NDUFB9: variants seen among roughly 807,000 people sequenced by gnomAD.
NDUFB9 encodes NADH dehydrogenase [ubiquinone] 1 beta subcomplex subunit 9.
A neutral mutation model predicts 30.2 loss-of-function variants in NDUFB9; 24 were observed. The observed-to-expected ratio is 0.80, with a 90% CI of 0.58 to 1.12. The LOEUF (loss-of-function observed/expected upper bound fraction) is 1.12, where lower values mean the gene tolerates loss of function less well. Among genes scored for constraint, NDUFB9 ranks in the 50% most tolerant of loss-of-function variants. The probability of loss-of-function intolerance (pLI) is 0.00; values close to 1 mark genes in which losing one functional copy is unlikely to be tolerated. For synonymous variants in NDUFB9, 80 were observed against 84.0 expected (o/e 0.95, Z 0.26); for missense variants, 204 against 226.0 (o/e 0.90, Z 0.62).
At position 124,542,998 on chromosome 8, in the gene NDUFB9, G is replaced by A; in HGVS notation, c.102-89G>A. 2.2e-6 allele frequency: 3 copies of A among 1,381,792 alleles called. No homozygotes were observed. The South Asian group carries it at 3.5e-5, about 16-fold the overall frequency. The allele number at this position is 1,381,792 out of a possible 1,614,324, so 85.6% of individuals were successfully genotyped here. A position where few individuals can be genotyped will look rare whatever the true frequency, so the allele number is the denominator to read the frequency against. On this transcript the variant is annotated intron_variant, in intron 1 of 3. Coordinates refer to ENST00000276689, the MANE Select transcript of NDUFB9 (RefSeq NM_005005.3). ...GGGTAGGTCCACTGCCCATCCAGAAGGTATCAGAAGTGCAGCCTCCTGTCA... is the reference window on the plus strand; with the variant it reads ...GGGTAGGTCCACTGCCCATCCAGAAAGTATCAGAAGTGCAGCCTCCTGTCA...
chr8:124,549,511 A>G (rs1364799399), intron 3 of NDUFB9, among the ~76,000 whole-genome samples: 3 of 152,182 alleles, frequency 2.0e-5, no homozygotes, highest in African/African-American at 7.2e-5. Context: ...GAAAAGGGGT[A>G]GGGGGAAGAA....
chr8:124,549,339 T>C lies in NDUFB9; in HGVS notation c.409-422T>C, dbSNP rs571504593. Among the ~76,000 whole-genome samples, 5 of 152,336 alleles carry C rather than the reference T, an allele frequency of 3.3e-5. No individual in the cohort carries two copies. In the East Asian group the frequency reaches 7.7e-4, roughly 23 times the overall value. ...TAGAATTAACATCCCCAGCATATTA[T>C]GAACTGAGGTTTCTTAATGGTGCTT... On this transcript the variant is annotated intron_variant, in intron 3 of 3. Coordinates refer to ENST00000276689, the MANE Select transcript of NDUFB9 (RefSeq NM_005005.3).
At chr8:124,545,520 A>G (rs1036796645) in intron 2 of NDUFB9, among the ~76,000 whole-genome samples, 4 of 152,164 alleles carry the variant, frequency 2.6e-5, no homozygotes, top group Non-Finnish European at 5.9e-5. Flanking sequence ...AGTTTTTATC[A>G]ATAACGTATT....
chr8:124,542,241 G>A (rs796874243), intron 1 of NDUFB9, among the ~76,000 whole-genome samples: 10 of 152,028 alleles, frequency 6.6e-5, no homozygotes, highest in African/African-American at 2.4e-4. Flanking sequence ...TAGTAGAGAC[G>A]GGGTTTCTCC....
intron 1 of NDUFB9, among the ~76,000 whole-genome samples, chr8:124,540,198 C>T (rs1563704594): frequency 6.6e-6 from 1 of 152,228 alleles, no homozygotes; most frequent in African/African-American, 2.4e-5. Flanking sequence ...TGACATACTT[C>T]TCTTGATTTG....
chr8:124,548,652 T>A (rs568930259), intron 3 of NDUFB9, among the ~76,000 whole-genome samples: 1 of 152,250 alleles, frequency 6.6e-6, no homozygotes, highest in Non-Finnish European at 1.5e-5. Flanking sequence ...ATGGTTCGGT[T>A]TGTCTGTTGC....
At chr8:124,540,790 G>T (rs1351870679) in intron 1 of NDUFB9, among the ~76,000 whole-genome samples, 1 of 152,074 alleles carries the variant, frequency 6.6e-6, no homozygotes, top group African/African-American at 2.4e-5. Context: ...ATACTGTGTT[G>T]TTGTATGTAC....
rs773659445 is a variant in NDUFB9, at chr8:124,543,268, G to A, written c.283G>A (p.Asp95Asn). The A allele has an allele frequency of 5.1e-5, 82 of 1,613,616 alleles. No homozygotes were observed. Among genetic ancestry groups the A allele is most frequent in the Admixed American group, 3.3e-4 (20 of 59,992 alleles). Residue 95 changes from aspartate to asparagine, a missense_variant, in exon 2 of 4, where the codon GAT becomes AAT. By Grantham distance (23) the Asp-to-Asn change is conservative. Transcript: ENST00000276689. ...SPGGTSYERY[D>N]CYKVPEWCLD... ...TGGGGGCACCTCCTATGAGAGATAC[G>A]ATTGCTACAAGGTAGGTGAGAATTA...
At chr8:124,546,504 A>G (rs1226950003) in intron 2 of NDUFB9, among the ~76,000 whole-genome samples, 1 of 152,252 alleles carries the variant, frequency 6.6e-6, no homozygotes, top group Non-Finnish European at 1.5e-5. Context: ...AACCCCCAGT[A>G]TCTCTAAGGT....
At chr8:124,542,315 G>A (rs543409427) in intron 1 of NDUFB9, among the ~76,000 whole-genome samples, 2 of 152,258 alleles carry the variant, frequency 1.3e-5, no homozygotes, top group Middle Eastern at 3.4e-3. Context: ...GCCTCCCAAC[G>A]TGCTGGGATT....
chr8:124,547,875 T>C (rs1345202832), intron 3 of NDUFB9, among the ~76,000 whole-genome samples: 1 of 152,130 alleles, frequency 6.6e-6, no homozygotes. Flanking sequence ...TCCCAGCTAC[T>C]TGGGAGGCTA....
chr8:124,540,316 A>T (rs1173870154), intron 1 of NDUFB9, among the ~76,000 whole-genome samples: 1 of 152,224 alleles, frequency 6.6e-6, no homozygotes, highest in Admixed American at 6.5e-5. Flanking sequence ...TCTATGCTCT[A>T]TGCTAAATAT....
Position 124,549,716 on chromosome 8 carries a change from C to A in NDUFB9, c.409-45C>A. The A allele has an allele frequency of 3.1e-6, 5 of 1,588,364 alleles. No homozygotes were observed. In the South Asian group the frequency reaches 3.3e-5, roughly 11 times the overall value. On this transcript the variant is annotated intron_variant, in intron 3 of 3. Transcript: ENST00000276689. ...ACTGCAGCAGACAGATTTTTATAGT[C>A]AATTAGATTCCTTTGGTAATGATTC...
chr8:124,539,243 T>C lies in NDUFB9; in HGVS notation c.57T>C (p.Leu19=), dbSNP rs377525857. Residue 19 remains leucine (L), a synonymous_variant, in exon 1 of 4, where the codon CTT becomes CTC. Coordinates refer to ENST00000276689, the MANE Select transcript of NDUFB9 (RefSeq NM_005005.3). Reference sequence around the variant, plus strand: ...CCCATCAGCAAAAGGTGTTGCGGCTTTATAAGCGGGCGCTACGCCACCTCG... The same window carrying C: ...CCCATCAGCAAAAGGTGTTGCGGCTCTATAAGCGGGCGCTACGCCACCTCG... ...YLTHQQKVLR[L]YKRALRHLES... The C allele has an allele frequency of 5.0e-6, 8 of 1,614,058 alleles. No individual in the cohort carries two copies. In the African/African-American group the frequency reaches 1.1e-4, roughly 22 times the overall value.
At chr8:124,544,059 G>T (rs1822098403) in intron 2 of NDUFB9, among the ~76,000 whole-genome samples, 1 of 152,204 alleles carries the variant, frequency 6.6e-6, no homozygotes, top group East Asian at 1.9e-4. Flanking sequence ...TAAAAGTGCT[G>T]CTCCACTAAA....
chr8:124,543,422 A>C, intron 2 of NDUFB9, 143 bp downstream of exon 2: 1 of 797,760 alleles, frequency 1.3e-6, no homozygotes, highest in Non-Finnish European at 2.0e-6. Flanking sequence ...GGCCTACCTC[A>C]TTTTATTGCA....
intron 3 of NDUFB9, among the ~76,000 whole-genome samples, chr8:124,549,416 G>A (rs1448333576): frequency 1.3e-5 from 2 of 152,144 alleles, no homozygotes; most frequent in African/African-American, 4.8e-5. Flanking sequence ...TGGTCAGTGG[G>A]TGGGGGCTGT....
Position 124,542,877 on chromosome 8 carries a change from G to A in NDUFB9, c.102-210G>A, listed in dbSNP as rs557663949. The A allele has an allele frequency of 3.5e-4, 185 of 526,518 alleles. 1 individual carries two copies. In the South Asian group the frequency reaches 4.0e-3, roughly 11 times the overall value. 32.6% of individuals were successfully genotyped at this position (526,518 alleles called of 1,614,324 possible). On this transcript the variant is annotated intron_variant, in intron 1 of 3. Transcript: ENST00000276689. ...GGATGTAAGAGGAGAAAAATGGTTA[G>A]GGTATATATTTAATACAGTATTTTT...
chr8:124,545,508 G>A (rs1015584953), intron 2 of NDUFB9, among the ~76,000 whole-genome samples: 1 of 152,136 alleles, frequency 6.6e-6, no homozygotes, highest in Non-Finnish European at 1.5e-5. Context: ...ATGATTGTTG[G>A]CAGTTTTTAT....
Sources: allele counts gnomAD v4.1 joint callset (sites outside exome capture counted in the v4.1 genomes callset), GRCh38; gene constraint gnomAD v4.1.1; transcripts MANE v1.5; gene names NCBI Gene and HGNC (gene_info 2026-07-23, HGNC 2026-07-21).